CPEB3: variants seen among roughly 807,000 people sequenced by gnomAD.
CPEB3 encodes the protein cytoplasmic polyadenylation element-binding protein 3.
Under a neutral mutation model 67.2 loss-of-function variants are expected in CPEB3, and 20 were observed. The observed-to-expected ratio is 0.30, with a 90% CI of 0.21 to 0.43. The LOEUF is 0.43. Ranked by LOEUF, CPEB3 falls within the 20% of genes least tolerant of loss-of-function variation. The pLI, the probability that CPEB3 is intolerant of heterozygous loss-of-function variation, is 1.00. For missense variants in CPEB3, 746 were observed against 968.6 expected (o/e 0.77, Z 3.05); for synonymous variants, 376 against 393.1 (o/e 0.96, Z 0.51).
rs571582158 is a variant in CPEB3 at position 92,270,559 on chromosome 10, C to CTT, written c.-12+20365_-12+20366dup. Among the ~76,000 whole-genome samples the CTT allele has an allele frequency of 1.9e-3, 242 of 124,864 alleles. 2 individuals are homozygous for CTT. Among genetic ancestry groups the CTT allele is most frequent in the African/African-American group, 6.4e-3 (215 of 33,678 alleles). The allele number at this position is 124,864 out of a possible 152,430, so 81.9% of individuals were successfully genotyped here. A position where few individuals can be genotyped will look rare whatever the true frequency, so the allele number is the denominator to read the frequency against. On this transcript the variant is annotated intron_variant, in intron 1 of 9. Transcript: ENST00000265997. ...CCATTAGAAGTGAGGTTTTATATTA[C>CTT]TTTTTTTTTTTTTTTTTTTTTGACA...
intron 6 of CPEB3, among the ~76,000 whole-genome samples, chr10:92,140,259 G>A (rs1846337101): frequency 6.6e-6 from 1 of 152,144 alleles, no homozygotes; most frequent in Non-Finnish European, 1.5e-5. Flanking sequence ...AACCAAAACA[G>A]CATGGTACTG....
intron 2 of CPEB3, among the ~76,000 whole-genome samples, chr10:92,222,142 A>G (rs895704049): frequency 5.9e-5 from 9 of 152,102 alleles, no homozygotes; most frequent in Non-Finnish European, 1.2e-4. Context: ...TTTCTGTCCA[A>G]CAGATGAATT....
chr10:92,286,579 T>C (rs910424013), intron 1 of CPEB3, among the ~76,000 whole-genome samples: 4 of 144,620 alleles, frequency 2.8e-5, no homozygotes, highest in Non-Finnish European at 6.0e-5. Flanking sequence ...AGCAAGACTC[T>C]ATCTAAAAAA....
intron 4 of CPEB3, among the ~76,000 whole-genome samples, chr10:92,170,649 T>C (rs1321357855): frequency 7.5e-6 from 1 of 133,408 alleles, no homozygotes; most frequent in East Asian, 2.1e-4. Flanking sequence ...AAGAGAAAGA[T>C]GGAGAATGAA....
intron 1 of CPEB3, among the ~76,000 whole-genome samples, chr10:92,249,681 T>A (rs957186937): frequency 1.3e-5 from 2 of 149,830 alleles, no homozygotes; most frequent in Non-Finnish European, 3.0e-5. Context: ...AAAAAAAAAT[T>A]AGAAATTTTA....
chr10:92,104,187 A>G (rs1200710316), intron 7 of CPEB3, among the ~76,000 whole-genome samples: 1 of 152,224 alleles, frequency 6.6e-6, no homozygotes, highest in Non-Finnish European at 1.5e-5. Context: ...CAATGCACAA[A>G]GTAAGTGCTC....
chr10:92,137,527 A>G, intron 6 of CPEB3: 1 of 841,880 alleles, frequency 1.2e-6, no homozygotes, highest in Non-Finnish European at 2.0e-6. Context: ...GGTGACCAAG[A>G]AGTTCATAAG....
At chr10:92,053,846 G>A (rs1219850072) in intron 9 of CPEB3, among the ~76,000 whole-genome samples, 2 of 151,394 alleles carry the variant, frequency 1.3e-5, no homozygotes, top group African/African-American at 2.4e-5. Flanking sequence ...TGGCACACTC[G>A]ACTTATTTTT....
intron 2 of CPEB3, chr10:92,216,608 C>T: frequency 6.2e-7 from 1 of 1,610,156 alleles, no homozygotes; most frequent in Non-Finnish European, 8.5e-7. Flanking sequence ...GGTATACTGC[C>T]ATCTCCCAGT....
At chr10:92,207,608 A>T (rs754945966) in intron 2 of CPEB3, among the ~76,000 whole-genome samples, 57 of 152,196 alleles carry the variant, frequency 3.7e-4, no homozygotes, top group Non-Finnish European at 7.5e-4. Flanking sequence ...ACAGTGGCTC[A>T]CGCCTGTAAT....
intron 1 of CPEB3, among the ~76,000 whole-genome samples, chr10:92,244,446 CT>C (rs369613347): frequency 6.7e-6 from 1 of 150,102 alleles, no homozygotes; most frequent in African/African-American, 2.4e-5. Flanking sequence ...ATACAGTTTT[CT>C]TTTTTTTTGA....
intron 3 of CPEB3, among the ~76,000 whole-genome samples, chr10:92,184,473 C>T (rs1319767339): frequency 1.3e-5 from 2 of 152,072 alleles, no homozygotes; most frequent in East Asian, 1.9e-4. Context: ...GGTGTGGTGG[C>T]ATGCACCTGT....
intron 1 of CPEB3, among the ~76,000 whole-genome samples, chr10:92,280,015 AAGAAAGAAAGAG>A (rs1218732875): frequency 6.6e-6 from 1 of 152,090 alleles, no homozygotes. Flanking sequence ...GGTCTCAAAA[AAGAAAGAAAGAG>A]AGAAAGAGAG....
At chr10:92,069,464 T>C (rs1220266244) in intron 9 of CPEB3, among the ~76,000 whole-genome samples, 1 of 152,148 alleles carries the variant, frequency 6.6e-6, no homozygotes, top group Non-Finnish European at 1.5e-5. Flanking sequence ...AGTGCAATGG[T>C]GTGATCTCGG....
At chr10:92,265,098 G>A (rs1280182125) in intron 1 of CPEB3, among the ~76,000 whole-genome samples, 1 of 151,284 alleles carries the variant, frequency 6.6e-6, no homozygotes, top group Non-Finnish European at 1.5e-5. Flanking sequence ...GGAGGCGGAG[G>A]TTGCAGTGAG....
chr10:92,062,244 CAAAAAAAA>C (rs35185791), intron 9 of CPEB3, among the ~76,000 whole-genome samples: 2 of 119,924 alleles, frequency 1.7e-5, no homozygotes, highest in Middle Eastern at 4.3e-3. Flanking sequence ...GACCCTGTCT[CAAAAAAAA>C]AAAAAAAAAA....
At chr10:92,228,508 G>T (rs1315999106) in intron 2 of CPEB3, among the ~76,000 whole-genome samples, 2 of 151,958 alleles carry the variant, frequency 1.3e-5, no homozygotes, top group African/African-American at 2.4e-5. Context: ...GTTTGAGTAG[G>T]GGGTTCGATT....
At chr10:92,188,795 C>T (rs1848821918) in intron 3 of CPEB3, among the ~76,000 whole-genome samples, 2 of 152,098 alleles carry the variant, frequency 1.3e-5, no homozygotes, top group Non-Finnish European at 2.9e-5. Flanking sequence ...CTGATTAATG[C>T]TATAGAAGAT....
chr10:92,131,433 A>C (rs772283658), intron 6 of CPEB3, among the ~76,000 whole-genome samples: 1 of 152,232 alleles, frequency 6.6e-6, no homozygotes, highest in Non-Finnish European at 1.5e-5. Context: ...AAAATATGGC[A>C]TATACACGAA....
Sources: allele counts gnomAD v4.1 joint callset (sites outside exome capture counted in the v4.1 genomes callset), GRCh38; gene constraint gnomAD v4.1.1; transcripts MANE v1.5; gene names NCBI Gene and HGNC (gene_info 2026-07-23, HGNC 2026-07-21).